The following PTGES3 variants were observed in gnomAD, a reference collection of about 807,000 sequenced individuals.
PTGES3 encodes Hsp90 co-chaperone.
Under a neutral mutation model 29.9 loss-of-function variants are expected in PTGES3, and 5 were observed. The observed-to-expected ratio is 0.17, with a 90% CI of 0.09 to 0.35. The LOEUF is 0.35. PTGES3 is among the 10% of genes least tolerant of loss of function. The pLI is 1.00. For synonymous variants in PTGES3, 49 were observed against 57.8 expected, an observed-to-expected ratio of 0.85 and a Z score of 0.69; for missense variants, 128 against 190.0, an observed-to-expected ratio of 0.67 and a Z score of 1.92.
At chr12:56,673,113 A>C in intron 1 of PTGES3, 48 bp from the exon 2 acceptor site, 6 of 1,287,374 alleles carry the variant, frequency 4.7e-6, no homozygotes, top group Non-Finnish European at 6.6e-6. Flanking sequence ...TCATTAACTA[A>C]ACATTCACAT....
At chr12:56,672,869 C>A in intron 2 of PTGES3, 60 bp from the exon 3 acceptor site, 1 of 1,543,958 alleles carries the variant, frequency 6.5e-7, no homozygotes, top group South Asian at 1.2e-5. Context: ...TTAATAATAA[C>A]TTCAATGAAA....
rs71081388 is a variant in PTGES3 at position 56,683,473 on chromosome 12, CAAAAAAAAAAAAA to C, written c.2+4512_2+4524del. 3.0e-3 allele frequency among the ~76,000 whole-genome samples: 90 copies of C among 29,754 alleles called. 2 individuals are homozygous for C. Among genetic ancestry groups the C allele is most frequent in the Non-Finnish European group, 4.6e-3 (74 of 15,974 alleles). 19.5% of individuals were successfully genotyped at this position (29,754 alleles called of 152,430 possible). A position where few individuals can be genotyped will look rare whatever the true frequency, so the allele number is the denominator to read the frequency against. On this transcript the variant is annotated intron_variant, in intron 1 of 7. Coordinates refer to ENST00000262033, the MANE Select transcript of PTGES3 (RefSeq NM_006601.7). ...GGGCAACAAGAGAGAAACTCTGTCT[CAAAAAAAAAAAAA>C]AAAAAAAAAAAAAAATTAGCCAGGC...
chr12:56,671,714 T>C lies in PTGES3; in HGVS notation c.285+35A>G, dbSNP rs1952013777. On this transcript the variant is annotated intron_variant, in intron 4 of 7. Coordinates refer to ENST00000262033, the MANE Select transcript of PTGES3 (RefSeq NM_006601.7). Reference sequence around the variant, plus strand: ...CATCTTTTATTACCTAAAATAAAAATATCAAACTTTTCAAAAAAGGAAAAT... The same window carrying C: ...CATCTTTTATTACCTAAAATAAAAACATCAAACTTTTCAAAAAAGGAAAAT... 3.0e-6 allele frequency: 4 copies of C among 1,331,406 alleles called. No homozygotes were observed. The South Asian group carries it at 4.3e-5, about 14-fold the overall frequency. 82.5% of individuals were successfully genotyped at this position (1,331,406 alleles called of 1,614,324 possible).
At chr12:56,685,864 C>A (rs1952820145) in intron 1 of PTGES3, among the ~76,000 whole-genome samples, 1 of 150,522 alleles carries the variant, frequency 6.6e-6, no homozygotes, top group Non-Finnish European at 1.5e-5. Flanking sequence ...GAAACCTTCA[C>A]CTCCTGGGTT....
Position 56,685,770 on chromosome 12 carries a change from C to CTTT in PTGES3, c.2+2225_2+2227dup, listed in dbSNP as rs9325161. Reference sequence around the variant, plus strand: ...AATAGTCTCTCTACTGCTACACTTACTTTTTTTTTTTTTTTTTTTTTTTTG... The same window carrying CTTT: ...AATAGTCTCTCTACTGCTACACTTACTTTTTTTTTTTTTTTTTTTTTTTTTTTG... On this transcript the variant is annotated intron_variant, in intron 1 of 7. Coordinates refer to ENST00000262033, the MANE Select transcript of PTGES3 (RefSeq NM_006601.7). 2.2e-4 allele frequency among the ~76,000 whole-genome samples: 16 copies of CTTT among 71,870 alleles called. 1 individual carries two copies. In the East Asian group the frequency reaches 2.2e-3, roughly 10 times the overall value. The allele number at this position is 71,870 out of a possible 152,430, so 47.1% of individuals were successfully genotyped here. A position where few individuals can be genotyped will look rare whatever the true frequency, so the allele number is the denominator to read the frequency against.
At chr12:56,679,526 G>A (rs1277530642) in intron 1 of PTGES3, among the ~76,000 whole-genome samples, 2 of 151,934 alleles carry the variant, frequency 1.3e-5, no homozygotes, top group South Asian at 2.1e-4. Context: ...GAATCTATAG[G>A]GATATTACTA....
At chr12:56,680,068 ATTGGTT>A (rs1952453564) in intron 1 of PTGES3, among the ~76,000 whole-genome samples, 1 of 146,606 alleles carries the variant, frequency 6.8e-6, no homozygotes. Context: ...TTTTTGTTTT[ATTGGTT>A]TTGGTTTTTT....
rs1470321732 is a variant in PTGES3 at position 56,670,303 on chromosome 12, T to A, written c.347A>T (p.Asp116Val). 1 of 1,613,374 alleles carries A rather than the reference T, an allele frequency of 6.2e-7. No homozygotes were observed. Among genetic ancestry groups the A allele is most frequent in the Non-Finnish European group, 8.5e-7 (1 of 1,179,484 alleles). Reference sequence around the variant, plus strand: ...AGAGAAACGATCAAAATTAGACATGTCTTCATCTGAATCATCTTCCCAGTC... The same window carrying A: ...AGAGAAACGATCAAAATTAGACATGACTTCATCTGAATCATCTTCCCAGTC... ...WKDWEDDSDE[D>V]MSNFDRFSEM... Residue 116 changes from aspartate (D) to valine (V), a missense_variant, in exon 5 of 8, where the codon GAC (aspartate) becomes GTC (valine). Coordinates refer to ENST00000262033, the MANE Select transcript of PTGES3 (RefSeq NM_006601.7).
chr12:56,683,088 G>A (rs1353642587), intron 1 of PTGES3, among the ~76,000 whole-genome samples: 1 of 151,970 alleles, frequency 6.6e-6, no homozygotes, highest in African/African-American at 2.4e-5. Flanking sequence ...AGTAGCTCAC[G>A]CCTGTAATCC....
chr12:56,674,173 G>A (rs542228933), intron 1 of PTGES3, among the ~76,000 whole-genome samples: 6 of 152,266 alleles, frequency 3.9e-5, no homozygotes, highest in African/African-American at 7.2e-5. Context: ...TAAATGACAA[G>A]TAAATATGAG....
intron 4 of PTGES3, chr12:56,670,611 A>G: frequency 2.2e-6 from 1 of 446,202 alleles, no homozygotes; most frequent in Non-Finnish European, 4.1e-6. Context: ...TCCTGGGACA[A>G]CACCGTACTG....
At chr12:56,682,688 G>A (rs1952600345) in intron 1 of PTGES3, among the ~76,000 whole-genome samples, 1 of 142,538 alleles carries the variant, frequency 7.0e-6, no homozygotes, top group Non-Finnish European at 1.5e-5. Flanking sequence ...GACCAACCTG[G>A]ACAACACGGT....
In PTGES3 at chr12:56,685,811, C is replaced by T. The variant is rs190944208; in HGVS notation, c.2+2187G>A. On this transcript the variant is annotated intron_variant, in intron 1 of 7. Transcript: ENST00000262033. ...TTTTTTTTTGAGACGGAGTCTCCCT[C>T]TATTGCCCAGGCTGGAGTACAACGG... Among the ~76,000 whole-genome samples the T allele has an allele frequency of 1.4e-3, 154 of 110,728 alleles. 1 individual carries two copies. Among genetic ancestry groups the T allele is most frequent in the African/African-American group, 5.4e-3 (150 of 27,908 alleles). 72.6% of individuals were successfully genotyped at this position (110,728 alleles called of 152,430 possible).
chr12:56,669,775 A>G (rs1455280556), intron 5 of PTGES3, among the ~76,000 whole-genome samples: 2 of 151,598 alleles, frequency 1.3e-5, no homozygotes, highest in East Asian at 1.9e-4. Context: ...ATGCCCAGCT[A>G]ATTTTTTTTG....
At chr12:56,672,587 C>A (rs962993086) in intron 3 of PTGES3, among the ~76,000 whole-genome samples, 153 bp downstream of exon 3, 1 of 152,054 alleles carries the variant, frequency 6.6e-6, no homozygotes, top group Non-Finnish European at 1.5e-5. Flanking sequence ...TATGCAGAAA[C>A]CAATTTTGGA....
chr12:56,688,175 G>A lies in PTGES3; in HGVS notation c.-176C>T. On this transcript the variant is annotated 5_prime_UTR_variant, in exon 1 of 8. Coordinates refer to ENST00000262033, the MANE Select transcript of PTGES3 (RefSeq NM_006601.7). ...CGGGCTCGACCTCGGGCCCCAGAATGCACCGCGCGGAAAGAGCGGCTCCTC... is the reference window on the plus strand; with the variant it reads ...CGGGCTCGACCTCGGGCCCCAGAATACACCGCGCGGAAAGAGCGGCTCCTC... 2.5e-6 allele frequency: 3 copies of A among 1,190,368 alleles called. No homozygotes were observed. Among genetic ancestry groups the A allele is most frequent in the South Asian group, 1.8e-5 (1 of 54,604 alleles). 73.7% of individuals were successfully genotyped at this position (1,190,368 alleles called of 1,614,324 possible). A position where few individuals can be genotyped will look rare whatever the true frequency, so the allele number is the denominator to read the frequency against.
At chr12:56,677,895 CCT>C (rs1952333304) in intron 1 of PTGES3, among the ~76,000 whole-genome samples, 1 of 152,074 alleles carries the variant, frequency 6.6e-6, no homozygotes, top group African/African-American at 2.4e-5. Flanking sequence ...TCCATGGGGC[CCT>C]GATACATCTT....
At chr12:56,685,748 A>T (rs942218825) in intron 1 of PTGES3, among the ~76,000 whole-genome samples, 1 of 139,046 alleles carries the variant, frequency 7.2e-6, no homozygotes, top group East Asian at 2.1e-4. Flanking sequence ...TTTTTGGAAT[A>T]GTCTCTCTAC....
At chr12:56,669,371 C>T (rs1333785056) in intron 5 of PTGES3, among the ~76,000 whole-genome samples, 1 of 151,938 alleles carries the variant, frequency 6.6e-6, no homozygotes, top group East Asian at 1.9e-4. Context: ...TTTGTTCACG[C>T]CTTCTGGGTT....
Sources: gnomAD v4.1 joint callset for allele counts (sites outside exome capture counted in the v4.1 genomes callset) on GRCh38, gnomAD v4.1.1 for gene constraint, MANE v1.5 for transcripts, NCBI Gene and HGNC (gene_info 2026-07-23, HGNC 2026-07-21) for gene names.